FUT8: variants seen among roughly 807,000 people sequenced by gnomAD.
FUT8 encodes the protein fucosyltransferase 8, also known as alpha-(1,6)-fucosyltransferase.
FUT8 carries 29 observed loss-of-function variants against 71.3 expected under a neutral mutation model. The ratio of observed to expected loss-of-function variants is 0.41; its 90% CI spans 0.30 to 0.55. The LOEUF (loss-of-function observed/expected upper bound fraction) is 0.55. FUT8 is among the 20% of genes least tolerant of loss of function. The pLI is 0.34. For missense variants in FUT8, 544 were observed against 702.1 expected (o/e 0.77, Z 2.55); for synonymous variants, 254 against 239.3 (o/e 1.06, Z -0.57).
the FUT8 span, among the ~76,000 whole-genome samples, chr14:65,390,002 C>T: frequency 6.6e-6 from 1 of 150,452 alleles, no homozygotes; most frequent in Non-Finnish European, 1.5e-5. Flanking sequence ...TTAGCTGGGC[C>T]TGTTGGTACA....
At chr14:65,588,250 T>C (rs1465407195) in intron 3 of FUT8, among the ~76,000 whole-genome samples, 1 of 152,226 alleles carries the variant, frequency 6.6e-6, no homozygotes, top group Non-Finnish European at 1.5e-5. Context: ...GAATGTGGCA[T>C]GCTCTTTCAC....
rs909653005 is a variant in FUT8 at position 65,607,423 on chromosome 14, A to G, written c.204-8555A>G. The stretch of plus-strand genomic sequence containing the variant: ...AATGAATAAGTATTAAATTTTATCT[A>G]ATGATTTTTTGTTTCCATTGAGATT... On this transcript the variant is annotated intron_variant, in intron 3 of 10. Coordinates refer to ENST00000673929, the MANE Select transcript of FUT8 (RefSeq NM_001371533.1). This position sits in a 1 kb window ranked among gnomAD's most constrained non-coding sequence, Gnocchi z 4.1. Among the ~76,000 whole-genome samples the G allele has an allele frequency of 7.2e-5, 11 of 151,898 alleles. No individual in the cohort carries two copies. The highest frequency in any genetic ancestry group is 1.6e-4 in the Non-Finnish European group (11 of 67,902).
chr14:65,527,898 G>T (rs1222133396), intron 2 of FUT8, among the ~76,000 whole-genome samples: 1 of 152,222 alleles, frequency 6.6e-6, no homozygotes, highest in Non-Finnish European at 1.5e-5. Flanking sequence ...CTGCCTGATT[G>T]TTCCTCTGGA....
At chr14:65,395,190 ATAGG>A in the FUT8 span, among the ~76,000 whole-genome samples, 2 of 152,164 alleles carry the variant, frequency 1.3e-5, no homozygotes, top group African/African-American at 4.8e-5. Flanking sequence ...AGCTGCTTTC[ATAGG>A]CTGGTATTGA....
intron 2 of FUT8, among the ~76,000 whole-genome samples, chr14:65,478,914 C>T (rs1412157344): frequency 6.6e-6 from 1 of 152,138 alleles, no homozygotes; most frequent in Non-Finnish European, 1.5e-5. Flanking sequence ...CTTTAAACAA[C>T]AAAGGAACAT....
At chr14:65,513,191 A>G (rs1346235636) in intron 2 of FUT8, among the ~76,000 whole-genome samples, 3 of 152,342 alleles carry the variant, frequency 2.0e-5, no homozygotes, top group African/African-American at 7.2e-5. Flanking sequence ...TCTATCGACA[A>G]AAAGCATTCA....
intron 6 of FUT8, among the ~76,000 whole-genome samples, chr14:65,631,986 T>A (rs1890207025): frequency 6.6e-6 from 1 of 152,232 alleles, no homozygotes; most frequent in African/African-American, 2.4e-5. Context: ...TCACTCAGAA[T>A]AATAGTCTCC....
intron 2 of FUT8, among the ~76,000 whole-genome samples, chr14:65,517,817 T>C (rs1379980223): frequency 6.6e-6 from 1 of 152,174 alleles, no homozygotes; most frequent in African/African-American, 2.4e-5. Flanking sequence ...GTAAACAAGG[T>C]AAAAGTCATA....
chr14:65,539,535 C>A (rs918697618), intron 2 of FUT8, among the ~76,000 whole-genome samples: 1 of 152,052 alleles, frequency 6.6e-6, no homozygotes, highest in Non-Finnish European at 1.5e-5. Flanking sequence ...AAAGTATGTA[C>A]GACTCTGGGC....
intron 6 of FUT8, among the ~76,000 whole-genome samples, chr14:65,658,568 A>G (rs1227494499): frequency 3.3e-5 from 5 of 152,156 alleles, no homozygotes; most frequent in Non-Finnish European, 7.4e-5. Flanking sequence ...TAATCCACAT[A>G]ATAGAATACT....
chr14:65,707,747 T>C (rs1347633278), intron 7 of FUT8, among the ~76,000 whole-genome samples: 1 of 152,222 alleles, frequency 6.6e-6, no homozygotes, highest in Non-Finnish European at 1.5e-5. Context: ...TTGCATTGTG[T>C]GTTGGCACCT....
intron 9 of FUT8, among the ~76,000 whole-genome samples, chr14:65,728,235 G>T (rs1895785938): frequency 6.6e-6 from 1 of 152,106 alleles, no homozygotes. Context: ...TCCACTTCTT[G>T]TACCAATTTA....
intron 6 of FUT8, among the ~76,000 whole-genome samples, chr14:65,662,482 A>G (rs1317095840): frequency 6.6e-6 from 1 of 152,186 alleles, no homozygotes; most frequent in African/African-American, 2.4e-5. Context: ...TATATGTACT[A>G]TGATGACAGC....
chr14:65,683,030 T>G (rs1008290073), intron 7 of FUT8, among the ~76,000 whole-genome samples: 1 of 151,304 alleles, frequency 6.6e-6, no homozygotes, highest in African/African-American at 2.4e-5. Context: ...TTTTTTTTTT[T>G]GATACGGAGT....
chr14:65,436,804 G>T (rs761331309), intron 1 of FUT8, among the ~76,000 whole-genome samples: 14 of 151,988 alleles, frequency 9.2e-5, no homozygotes, highest in Non-Finnish European at 1.6e-4. Context: ...AGCAGTCTGG[G>T]CTATATATTT....
Position 65,616,194 on chromosome 14 carries a change from C to A in FUT8, c.320-17C>A. On this transcript the variant is annotated splice_polypyrimidine_tract_variant and intron_variant, in intron 4 of 10. Coordinates refer to ENST00000673929, the MANE Select transcript of FUT8 (RefSeq NM_001371533.1). ...AAAATGTTGGAAATGCTACAACTCT[C>A]TATTCTTTGACTACAGGTCTGGGGA... The A allele has an allele frequency of 6.3e-7, 1 of 1,599,924 alleles. No individual in the cohort carries two copies. Among genetic ancestry groups the A allele is most frequent in the Non-Finnish European group, 8.5e-7 (1 of 1,173,748 alleles).
At chr14:65,663,998 G>A (rs2140357031) in intron 6 of FUT8, among the ~76,000 whole-genome samples, 1 of 152,174 alleles carries the variant, frequency 6.6e-6, no homozygotes, top group South Asian at 2.1e-4. Context: ...AACATAAGAT[G>A]TAATAGTAGG....
chr14:65,617,129 A>G (rs1385371121), intron 5 of FUT8: 1 of 1,597,190 alleles, frequency 6.3e-7, no homozygotes, highest in Non-Finnish European at 8.5e-7. Flanking sequence ...TGAACAATAA[A>G]AGAAAAATTG....
At chr14:65,667,031 A>G (rs937117044) in intron 6 of FUT8, among the ~76,000 whole-genome samples, 1 of 152,162 alleles carries the variant, frequency 6.6e-6, no homozygotes, top group Non-Finnish European at 1.5e-5. Context: ...AAATAGTAAG[A>G]CCTACCTGTG....
Sources: gnomAD v4.1 joint callset for allele counts (sites outside exome capture counted in the v4.1 genomes callset) on GRCh38, gnomAD v4.1.1 for gene constraint, Gnocchi (gnomAD v3.1) non-coding constraint, MANE v1.5 for transcripts, NCBI Gene and HGNC (gene_info 2026-07-23, HGNC 2026-07-21) for gene names.